The following EIF4G3 variants were observed in gnomAD, a reference collection of about 807,000 sequenced individuals.
EIF4G3 encodes the protein eukaryotic translation initiation factor 4 gamma 3.
In EIF4G3, 34 loss-of-function variants were observed where a neutral mutation model predicts 186.4. The ratio of observed to expected loss-of-function variants is 0.18; its 90% CI spans 0.14 to 0.24. The LOEUF (loss-of-function observed/expected upper bound fraction) is 0.24, where lower values mean the gene tolerates loss of function less well. EIF4G3 is among the 10% of genes least tolerant of loss of function. The pLI is 1.00. For missense variants in EIF4G3, 1,536 were observed against 1,948.5 expected, an observed-to-expected ratio of 0.79 and a Z score of 3.99; for synonymous variants, 673 against 679.5, an observed-to-expected ratio of 0.99 and a Z score of 0.15.
intron 7 of EIF4G3, among the ~76,000 whole-genome samples, chr1:20,985,591 T>C (rs2079298011): frequency 6.6e-6 from 1 of 152,142 alleles, no homozygotes; most frequent in Non-Finnish European, 1.5e-5. Flanking sequence ...TTAGATTTAA[T>C]AGTAATGCAA....
chr1:20,862,100 TC>T (rs1464101582), intron 23 of EIF4G3, 127 bp downstream of exon 23: 1 of 551,212 alleles, frequency 1.8e-6, no homozygotes, highest in Non-Finnish European at 3.1e-6. Context: ...AGTTTGCCAA[TC>T]CAAATTCTGA....
At chr1:21,146,371 TA>T (rs1208277923) in intron 2 of EIF4G3, among the ~76,000 whole-genome samples, 1 of 152,162 alleles carries the variant, frequency 6.6e-6, no homozygotes, top group East Asian at 1.9e-4. Flanking sequence ...TCAAAAACTT[TA>T]AAGTACAGTA....
intron 10 of EIF4G3, among the ~76,000 whole-genome samples, chr1:20,973,769 T>A (rs759733273): frequency 2.6e-5 from 4 of 152,212 alleles, no homozygotes; most frequent in Non-Finnish European, 4.4e-5. Context: ...ACCAATCTCT[T>A]CAACTTTTGA....
intron 2 of EIF4G3, among the ~76,000 whole-genome samples, chr1:21,141,465 T>C (rs1040486168): frequency 9.3e-5 from 14 of 151,204 alleles, no homozygotes; most frequent in African/African-American, 3.4e-4. Flanking sequence ...CTTTTGTATT[T>C]TTTTCCTACC....
intron 34 of EIF4G3, among the ~76,000 whole-genome samples, chr1:20,816,457 C>T (rs1302449531): frequency 8.4e-6 from 1 of 119,420 alleles, no homozygotes; most frequent in African/African-American, 3.2e-5. Context: ...GTGAGGACCC[C>T]TCTGCCCGGC....
chr1:21,121,557 A>T (rs929102039), intron 2 of EIF4G3, among the ~76,000 whole-genome samples: 4 of 151,984 alleles, frequency 2.6e-5, no homozygotes, highest in Non-Finnish European at 5.9e-5. Flanking sequence ...GGCAGATCAC[A>T]TGAGGTCAGG....
intron 2 of EIF4G3, among the ~76,000 whole-genome samples, chr1:21,107,320 C>T (rs1225707505): frequency 6.6e-6 from 1 of 152,114 alleles, no homozygotes; most frequent in Non-Finnish European, 1.5e-5. Flanking sequence ...GGACTACAGG[C>T]GTGTACCACC....
intron 14 of EIF4G3, among the ~76,000 whole-genome samples, chr1:20,908,947 C>T (rs1474939450): frequency 6.6e-6 from 1 of 152,024 alleles, no homozygotes; most frequent in Non-Finnish European, 1.5e-5. Flanking sequence ...GTCAAGAGTT[C>T]GAGACCAGCC....
chr1:20,908,905 T>A (rs1034113663), intron 14 of EIF4G3, among the ~76,000 whole-genome samples: 1 of 152,174 alleles, frequency 6.6e-6, no homozygotes, highest in Non-Finnish European at 1.5e-5. Context: ...TTCCCAGCAC[T>A]TTGGGAGGCC....
chr1:21,149,231 T>G (rs187094873), intron 2 of EIF4G3, among the ~76,000 whole-genome samples: 6 of 152,210 alleles, frequency 3.9e-5, no homozygotes, highest in Non-Finnish European at 7.3e-5. Context: ...TGCCAACCTA[T>G]GTGTACATAA....
intron 10 of EIF4G3, 30 bp downstream of exon 10, chr1:20,980,304 A>C: frequency 6.8e-7 from 1 of 1,461,260 alleles, no homozygotes; most frequent in South Asian, 1.4e-5. Flanking sequence ...ACAAAAAACT[A>C]GCAGAAATGT....
In EIF4G3 at chr1:21,151,236, C is replaced by CTTTTTTTTTTTTTTTTTTTT. The variant is rs71014161; in HGVS notation, c.-272+24919_-272+24938dup. Among the ~76,000 whole-genome samples the CTTTTTTTTTTTTTTTTTTTT allele has an allele frequency of 3.7e-5, 3 of 80,410 alleles. 1 individual carries two copies. Among genetic ancestry groups the CTTTTTTTTTTTTTTTTTTTT allele is most frequent in the African/African-American group, 9.6e-5 (2 of 20,774 alleles). The allele number at this position is 80,410 out of a possible 152,430, so 52.8% of individuals were successfully genotyped here. A position where few individuals can be genotyped will look rare whatever the true frequency, so the allele number is the denominator to read the frequency against. On this transcript the variant is annotated intron_variant, in intron 2 of 36. Coordinates refer to ENST00000602326, the MANE Select transcript of EIF4G3 (RefSeq NM_001391906.1). ...TTTAATGGTTATATAGTATTTCTTTCTTTTTTTTTTTTTTTTTTTTGAGAT... is the reference window on the plus strand; with the variant it reads ...TTTAATGGTTATATAGTATTTCTTTCTTTTTTTTTTTTTTTTTTTTTTTTTTTTTTTTTTTTTTTTGAGAT...
intron 2 of EIF4G3, chr1:21,169,683 C>T (rs1444776436): frequency 6.6e-6 from 1 of 152,142 alleles, no homozygotes; most frequent in Non-Finnish European, 1.5e-5. Flanking sequence ...AACTCAGGCA[C>T]TTCAGATGGC....
At chr1:20,916,072 A>G (rs924893547) in intron 14 of EIF4G3, among the ~76,000 whole-genome samples, 1 of 152,224 alleles carries the variant, frequency 6.6e-6, no homozygotes, top group Non-Finnish European at 1.5e-5. Flanking sequence ...ACTAGTAACA[A>G]AAATTGAAAT....
intron 2 of EIF4G3, among the ~76,000 whole-genome samples, chr1:21,127,150 C>T (rs956032398): frequency 6.6e-6 from 1 of 152,022 alleles, no homozygotes; most frequent in African/African-American, 2.4e-5. Context: ...TCCTCACACC[C>T]GGCTAATTTT....
intron 23 of EIF4G3, 31 bp downstream of exon 23, chr1:20,862,197 C>A: frequency 7.6e-7 from 1 of 1,314,010 alleles, no homozygotes; most frequent in African/African-American, 1.5e-5. Flanking sequence ...ACTGGACCAG[C>A]AGGCTTATTA....
chr1:20,809,976 AT>A (rs35971778), intron 36 of EIF4G3, among the ~76,000 whole-genome samples: 143 of 144,628 alleles, frequency 9.9e-4, no homozygotes, highest in Middle Eastern at 3.6e-3. Context: ...TAACAAATTC[AT>A]TTTTTTTTTT....
chr1:21,175,927 G>A (rs967976738), intron 2 of EIF4G3: 26 of 206,898 alleles, frequency 1.3e-4, no homozygotes, highest in Admixed American at 3.6e-4. Context: ...GCTCTAAAAG[G>A]AAGGGGCTGC....
At chr1:21,150,394 T>C (rs534077092) in intron 2 of EIF4G3, among the ~76,000 whole-genome samples, 15 of 152,314 alleles carry the variant, frequency 9.8e-5, no homozygotes, top group Non-Finnish European at 2.2e-4. Flanking sequence ...CTTTAAACCA[T>C]TTTTCATGGC....
Sources: allele counts gnomAD v4.1 joint callset (sites outside exome capture counted in the v4.1 genomes callset), GRCh38; gene constraint gnomAD v4.1.1; transcripts MANE v1.5; gene names NCBI Gene and HGNC (gene_info 2026-07-23, HGNC 2026-07-21).